CTNNA3: variants seen among roughly 807,000 people sequenced by gnomAD.
CTNNA3 encodes the protein catenin alpha 3.
Under a neutral mutation model 95.7 loss-of-function variants are expected in CTNNA3, and 76 were observed. That is an observed-to-expected ratio of 0.79 (90% CI 0.66 to 0.96). CTNNA3 has a LOEUF of 0.96. Among genes scored for constraint, CTNNA3 ranks in the 40% least tolerant of loss-of-function variants. The pLI, the probability that CTNNA3 is intolerant of heterozygous loss-of-function variation, is 0.00. For missense variants in CTNNA3, 1,191 were observed against 1,089.8 expected, an observed-to-expected ratio of 1.09 and a Z score of -1.31; for synonymous variants, 431 against 374.4, an observed-to-expected ratio of 1.15 and a Z score of -1.74.
intron 12 of CTNNA3, among the ~76,000 whole-genome samples, chr10:66,317,298 T>C (rs2092115523): frequency 6.6e-6 from 1 of 152,072 alleles, no homozygotes. Flanking sequence ...AAATTTATGG[T>C]TAGTCAAGTT....
At chr10:66,995,056 A>T (rs187539022) in intron 7 of CTNNA3, among the ~76,000 whole-genome samples, 8 of 152,208 alleles carry the variant, frequency 5.3e-5, no homozygotes, top group Admixed American at 4.6e-4. Context: ...CTAAATCTAG[A>T]TCTCTAGCCC....
At chr10:66,735,477 A>G (rs937844053) in intron 9 of CTNNA3, among the ~76,000 whole-genome samples, 1 of 151,942 alleles carries the variant, frequency 6.6e-6, no homozygotes, top group Admixed American at 6.6e-5. Context: ...CTTCAAACAT[A>G]CTAAGATTTA....
intron 5 of CTNNA3, among the ~76,000 whole-genome samples, chr10:67,421,565 T>C (rs1347412265): frequency 6.6e-6 from 1 of 152,188 alleles, no homozygotes; most frequent in Non-Finnish European, 1.5e-5. Context: ...CTACACATCA[T>C]GGGCTTTGGG....
intron 9 of CTNNA3, among the ~76,000 whole-genome samples, chr10:66,752,974 T>C (rs909377667): frequency 2.0e-5 from 3 of 152,186 alleles, no homozygotes; most frequent in African/African-American, 7.2e-5. Flanking sequence ...GATGTATTAC[T>C]TTTTATATAG....
intron 12 of CTNNA3, among the ~76,000 whole-genome samples, chr10:66,358,170 C>T (rs1335201722): frequency 6.6e-6 from 1 of 152,160 alleles, no homozygotes; most frequent in African/African-American, 2.4e-5. Flanking sequence ...GCCACCACTA[C>T]CTCCAAAGTG....
At chr10:66,353,932 G>A (rs1476074085) in intron 12 of CTNNA3, among the ~76,000 whole-genome samples, 3 of 152,048 alleles carry the variant, frequency 2.0e-5, no homozygotes, top group South Asian at 2.1e-4. Flanking sequence ...TCTCAAAAAT[G>A]TGAATAGTGA....
At chr10:66,171,371 C>T (rs1274770609) in intron 13 of CTNNA3, among the ~76,000 whole-genome samples, 2 of 151,242 alleles carry the variant, frequency 1.3e-5, no homozygotes, top group Non-Finnish European at 2.9e-5. Context: ...GATGGTGAAA[C>T]ACCATCTCTA....
chr10:66,940,922 G>A (rs1018035548), intron 7 of CTNNA3, among the ~76,000 whole-genome samples: 9 of 152,182 alleles, frequency 5.9e-5, no homozygotes, highest in African/African-American at 2.2e-4. Flanking sequence ...GCAGCCTGCA[G>A]TAACTATATC....
At chr10:67,650,545 G>T (rs1374495183) in intron 1 of CTNNA3, among the ~76,000 whole-genome samples, 2 of 152,162 alleles carry the variant, frequency 1.3e-5, no homozygotes, top group African/African-American at 2.4e-5. Context: ...ATCTTTGTCT[G>T]CAATGACTCA....
intron 1 of CTNNA3, among the ~76,000 whole-genome samples, chr10:67,684,004 G>T (rs1333917288): frequency 6.6e-6 from 1 of 152,206 alleles, no homozygotes; most frequent in Non-Finnish European, 1.5e-5. Context: ...AAAATTTATT[G>T]TGAAGAGCAA....
intron 17 of CTNNA3, among the ~76,000 whole-genome samples, chr10:65,955,091 G>C (rs1338552575): frequency 6.6e-6 from 1 of 151,678 alleles, no homozygotes; most frequent in African/African-American, 2.4e-5. Flanking sequence ...TCTCCTTGAA[G>C]AGGTCCTTCA....
intron 7 of CTNNA3, among the ~76,000 whole-genome samples, chr10:66,997,819 T>G (rs1421868943): frequency 6.6e-6 from 1 of 152,160 alleles, no homozygotes; most frequent in African/African-American, 2.4e-5. Context: ...GGCTCAACTA[T>G]CCACAAAATC....
At chr10:66,264,687 T>G (rs542804260) in intron 13 of CTNNA3, among the ~76,000 whole-genome samples, 1 of 152,112 alleles carries the variant, frequency 6.6e-6, no homozygotes, top group Non-Finnish European at 1.5e-5. Flanking sequence ...CACATGTAAC[T>G]ACTATATCGG....
chr10:66,525,676 A>T (rs578224442), intron 10 of CTNNA3, among the ~76,000 whole-genome samples: 7 of 152,238 alleles, frequency 4.6e-5, no homozygotes, highest in South Asian at 2.1e-4. Context: ...TATATATATA[A>T]AATTCGCTAA....
In CTNNA3 at chr10:66,813,630, A is replaced by G. The variant is rs149774616; in HGVS notation, c.1048-38106T>C. On this transcript the variant is annotated intron_variant, in intron 7 of 17. Transcript: ENST00000433211. ...TTAATTAAAAGTTAATTATGTTTCT[A>G]TTGTATTCCAAATACTGTACTGGGA... 1.8e-4 allele frequency among the ~76,000 whole-genome samples: 28 copies of G among 152,336 alleles called. No homozygotes were observed. The East Asian group carries it at 5.4e-3, about 29-fold the overall frequency.
chr10:66,094,279 C>T (rs964643838), intron 14 of CTNNA3, among the ~76,000 whole-genome samples: 17 of 151,932 alleles, frequency 1.1e-4, no homozygotes, highest in African/African-American at 3.4e-4. Context: ...GAAGAGAAAC[C>T]GGCAAAATAT....
At chr10:67,107,039 A>C (rs890317882) in intron 7 of CTNNA3, among the ~76,000 whole-genome samples, 2 of 152,222 alleles carry the variant, frequency 1.3e-5, no homozygotes, top group African/African-American at 4.8e-5. Flanking sequence ...TTTGTTGGGA[A>C]TATCTCAAGG....
At chr10:66,039,027 G>A (rs985119766) in intron 15 of CTNNA3, among the ~76,000 whole-genome samples, 1 of 152,144 alleles carries the variant, frequency 6.6e-6, no homozygotes, top group Non-Finnish European at 1.5e-5. Flanking sequence ...TCATTAAGCT[G>A]ATAAACAACT....
chr10:67,348,624 C>T (rs1372545612), intron 5 of CTNNA3, among the ~76,000 whole-genome samples: 1 of 151,996 alleles, frequency 6.6e-6, no homozygotes, highest in Non-Finnish European at 1.5e-5. Flanking sequence ...AGGAGGTGCC[C>T]GGCACTTTTA....
Sources: allele counts gnomAD v4.1 joint callset (sites outside exome capture counted in the v4.1 genomes callset), GRCh38; gene constraint gnomAD v4.1.1; transcripts MANE v1.5; gene names NCBI Gene and HGNC (gene_info 2026-07-23, HGNC 2026-07-21).